Variants in BICD1 observed in about 807,000 individuals in gnomAD.
BICD1 encodes the protein protein bicaudal D homolog 1.
A neutral mutation model predicts 92.5 loss-of-function variants in BICD1; 35 were observed. The ratio of observed to expected loss-of-function variants is 0.38; its 90% CI spans 0.29 to 0.50. BICD1 has a LOEUF of 0.50. Among genes scored for constraint, BICD1 ranks in the 20% least tolerant of loss-of-function variants. The pLI is 0.93. For missense variants in BICD1, 950 were observed against 1,189.8 expected, an observed-to-expected ratio of 0.80 and a Z score of 2.97; for synonymous variants, 429 against 465.1, an observed-to-expected ratio of 0.92 and a Z score of 1.00.
intron 3 of BICD1, among the ~76,000 whole-genome samples, chr12:32,297,814 C>T (rs1280938103): frequency 1.1e-5 from 1 of 91,304 alleles, no homozygotes; most frequent in Non-Finnish European, 2.6e-5. Flanking sequence ...TATTTACATT[C>T]CATTTCCTTC....
At position 32,116,510 on chromosome 12, in the gene BICD1, C is replaced by CTATATATA. The variant is rs370907481; in HGVS notation, c.213+8978_213+8985dup. Among the ~76,000 whole-genome samples the CTATATATA allele has an allele frequency of 2.8e-3, 289 of 104,330 alleles. 2 individuals are homozygous for CTATATATA. The highest frequency in any genetic ancestry group is 0.012 in the East Asian group (37 of 3,058). The allele number at this position is 104,330 out of a possible 152,430, so 68.4% of individuals were successfully genotyped here. Reference sequence around the variant, plus strand: ...TCTCTCTTTCTCTCTCTCTCTCTCTCTATATATATATATATATATGTAATT... The same window carrying CTATATATA: ...TCTCTCTTTCTCTCTCTCTCTCTCTCTATATATATATATATATATATATATATGTAATT... On this transcript the variant is annotated intron_variant, in intron 1 of 9. Transcript: ENST00000652176.
chr12:32,241,882 G>C (rs558456784), intron 2 of BICD1, among the ~76,000 whole-genome samples: 28 of 151,906 alleles, frequency 1.8e-4, no homozygotes, highest in Non-Finnish European at 3.8e-4. Context: ...TAACAGCATA[G>C]CATTTCATGT....
At chr12:32,370,459 C>T (rs1024125628) in intron 9 of BICD1, among the ~76,000 whole-genome samples, 2 of 110,124 alleles carry the variant, frequency 1.8e-5, no homozygotes, top group African/African-American at 8.8e-5. Context: ...GAATTTGTAG[C>T]GGTTAAGAAC....
intron 8 of BICD1, among the ~76,000 whole-genome samples, chr12:32,340,965 G>A (rs1565683731): frequency 6.6e-6 from 1 of 152,104 alleles, no homozygotes; most frequent in Non-Finnish European, 1.5e-5. Flanking sequence ...CCATTCTGAT[G>A]TTGCTGTCAA....
intron 4 of BICD1, among the ~76,000 whole-genome samples, chr12:32,324,261 A>T (rs928649072): frequency 6.6e-6 from 1 of 151,024 alleles, no homozygotes; most frequent in African/African-American, 2.4e-5. Context: ...AGGCTGAGGC[A>T]GAAGAATCGC....
intron 2 of BICD1, among the ~76,000 whole-genome samples, chr12:32,252,001 A>ATACATATTTATAATAT (rs1555156947): frequency 2.5e-5 from 3 of 121,046 alleles, no homozygotes; most frequent in Non-Finnish European, 5.0e-5. Context: ...TATATTTATA[A>ATACATATTTATAATAT]TATATATTTA....
chr12:32,372,520 A>G (rs764122137), intron 9 of BICD1, among the ~76,000 whole-genome samples: 7 of 152,194 alleles, frequency 4.6e-5, no homozygotes, highest in African/African-American at 4.8e-5. Context: ...GTTTATACAT[A>G]TATTCAAACA....
chr12:32,348,647 G>A (rs1323904819), intron 8 of BICD1, among the ~76,000 whole-genome samples: 1 of 148,748 alleles, frequency 6.7e-6, no homozygotes, highest in Admixed American at 6.8e-5. Flanking sequence ...ATGAGGCCCA[G>A]GACATTCCAG....
At chr12:32,234,923 A>G (rs977495526) in intron 2 of BICD1, among the ~76,000 whole-genome samples, 4 of 152,070 alleles carry the variant, frequency 2.6e-5, no homozygotes, top group African/African-American at 9.7e-5. Context: ...GGGCTCAAGC[A>G]GTCTGCCTGC....
At chr12:32,228,050 C>A in intron 2 of BICD1, 1 of 247,598 alleles carries the variant, frequency 4.0e-6, no homozygotes, top group Non-Finnish European at 8.8e-6. Context: ...CTGGCACATT[C>A]TTCTTGTCAT....
chr12:32,296,519 A>G (rs1385502341), intron 3 of BICD1, among the ~76,000 whole-genome samples: 1 of 152,016 alleles, frequency 6.6e-6, no homozygotes, highest in African/African-American at 2.4e-5. Flanking sequence ...AGCCTCCCAA[A>G]GTGCTGAGAT....
intron 8 of BICD1, among the ~76,000 whole-genome samples, chr12:32,342,811 C>T (rs1186417406): frequency 6.6e-6 from 1 of 152,144 alleles, no homozygotes; most frequent in Non-Finnish European, 1.5e-5. Flanking sequence ...AGATGGTAAA[C>T]AGAAAGCCTC....
chr12:32,371,889 T>G (rs1010649764), intron 9 of BICD1, among the ~76,000 whole-genome samples: 1 of 152,142 alleles, frequency 6.6e-6, no homozygotes, highest in Non-Finnish European at 1.5e-5. Flanking sequence ...CACCTGGTCT[T>G]ACACCCATTT....
rs1945177448 is a variant in BICD1 at position 32,210,276 on chromosome 12, AT to A, written c.214-5967del. On this transcript the variant is annotated intron_variant, in intron 1 of 9. Coordinates refer to ENST00000652176, the MANE Select transcript of BICD1 (RefSeq NM_001714.4). ...TATTTTGCAGTTTCAAATCAAAAGT[AT>A]TTTGTCTAATGTCCCTGGGTGACCT... Among the ~76,000 whole-genome samples, 6 of 152,298 alleles carry A rather than the reference AT, an allele frequency of 3.9e-5. No individual in the cohort carries two copies. The South Asian group carries it at 1.2e-3, about 32-fold the overall frequency.
At chr12:32,265,786 G>A (rs2136135837) in intron 2 of BICD1, among the ~76,000 whole-genome samples, 1 of 151,740 alleles carries the variant, frequency 6.6e-6, no homozygotes, top group Non-Finnish European at 1.5e-5. Context: ...AAGAGCTTCT[G>A]CTGGACAAAT....
At chr12:32,233,120 G>A (rs1439235646) in intron 2 of BICD1, among the ~76,000 whole-genome samples, 2 of 152,066 alleles carry the variant, frequency 1.3e-5, no homozygotes, top group South Asian at 2.1e-4. Context: ...TCAAGAATTC[G>A]AGACCAGCCT....
chr12:32,210,606 C>G (rs1363989835), intron 1 of BICD1, among the ~76,000 whole-genome samples: 1 of 152,090 alleles, frequency 6.6e-6, no homozygotes. Context: ...CAAATTTGCT[C>G]CATGCAATGG....
chr12:32,228,182 C>G (rs1445840150), intron 2 of BICD1: 3 of 157,510 alleles, frequency 1.9e-5, no homozygotes, highest in African/African-American at 7.2e-5. Flanking sequence ...TCCTAAGACT[C>G]TCGATGCAGG....
chr12:32,110,172 C>T (rs7966530), intron 1 of BICD1, among the ~76,000 whole-genome samples: 2 of 152,144 alleles, frequency 1.3e-5, no homozygotes, highest in African/African-American at 2.4e-5. Flanking sequence ...GAGTCAGTAC[C>T]CACCAATGTT....
Sources: allele counts gnomAD v4.1 joint callset (sites outside exome capture counted in the v4.1 genomes callset), GRCh38; gene constraint gnomAD v4.1.1; transcripts MANE v1.5; gene names NCBI Gene and HGNC (gene_info 2026-07-23, HGNC 2026-07-21).